Variants in CLIP4 observed in about 807,000 individuals in gnomAD.
CLIP4 encodes CAP-Gly domain containing linker protein family member 4.
A neutral mutation model predicts 73.1 loss-of-function variants in CLIP4; 47 were observed. The ratio of observed to expected loss-of-function variants is 0.64; its 90% confidence interval spans 0.51 to 0.82. The LOEUF (loss-of-function observed/expected upper bound fraction) is 0.82. Ranked by LOEUF, CLIP4 falls within the 40% of genes least tolerant of loss-of-function variation. CLIP4 has a pLI of 0.00. For synonymous variants in CLIP4, 306 were observed against 295.4 expected, an observed-to-expected ratio of 1.04 and a Z score of -0.37; for missense variants, 874 against 852.9, an observed-to-expected ratio of 1.02 and a Z score of -0.31.
intron 9 of CLIP4, among the ~76,000 whole-genome samples, chr2:29,153,697 G>A (rs1411795203): frequency 6.6e-6 from 1 of 152,164 alleles, no homozygotes; most frequent in Non-Finnish European, 1.5e-5. Context: ...GTAAATAGTT[G>A]AGGTAGAAAG....
chr2:29,142,251 C>A (rs1665823071), intron 6 of CLIP4, among the ~76,000 whole-genome samples: 2 of 151,752 alleles, frequency 1.3e-5, no homozygotes, highest in South Asian at 4.2e-4. Flanking sequence ...ATGAATAAGC[C>A]TTCTTGTCTT....
intron 12 of CLIP4, among the ~76,000 whole-genome samples, chr2:29,161,551 G>C (rs1244029254): frequency 6.6e-6 from 1 of 152,142 alleles, no homozygotes; most frequent in Non-Finnish European, 1.5e-5. Flanking sequence ...GTGAGTACTA[G>C]AGTCATCACA....
intron 14 of CLIP4, among the ~76,000 whole-genome samples, chr2:29,171,521 CTTTTT>C (rs71403652): frequency 7.1e-6 from 1 of 139,958 alleles, no homozygotes; most frequent in Non-Finnish European, 1.6e-5. Flanking sequence ...TTAGGTTTTC[CTTTTT>C]TTTTTTTTTT....
At chr2:29,165,681 T>C (rs1210089995) in intron 13 of CLIP4, among the ~76,000 whole-genome samples, 1 of 152,346 alleles carries the variant, frequency 6.6e-6, no homozygotes, top group East Asian at 1.9e-4. Context: ...TTACAAGTTT[T>C]GTTTGTTTCC....
chr2:29,154,187 T>A (rs778226729), intron 9 of CLIP4, among the ~76,000 whole-genome samples: 2 of 152,160 alleles, frequency 1.3e-5, no homozygotes, highest in Non-Finnish European at 2.9e-5. Flanking sequence ...GCATTATAAG[T>A]AGCATCCTTT....
intron 9 of CLIP4, among the ~76,000 whole-genome samples, chr2:29,153,172 C>T (rs751523313): frequency 2.0e-5 from 3 of 151,802 alleles, no homozygotes; most frequent in Non-Finnish European, 4.4e-5. Context: ...TTCTTTTTTA[C>T]CAAAAAAAAG....
chr2:29,162,081 G>T (rs1229519986), intron 12 of CLIP4, among the ~76,000 whole-genome samples: 1 of 152,130 alleles, frequency 6.6e-6, no homozygotes. Flanking sequence ...AACCGCACAG[G>T]TAGGTTATTT....
rs977090980 is a variant in CLIP4, at chr2:29,150,494, TCAAA to T, written c.1022-2186_1022-2183del. On this transcript the variant is annotated intron_variant, in intron 8 of 15. Transcript: ENST00000320081. ...ATTATTATGACATTAATGACACAAA[TCAAA>T]CAAATCAGAAAAAGACTCCATAGCT... Among the ~76,000 whole-genome samples, 11 of 152,174 alleles carry T rather than the reference TCAAA, an allele frequency of 7.2e-5. No homozygotes were observed. The East Asian group carries it at 1.7e-3, about 24-fold the overall frequency.
intron 6 of CLIP4, among the ~76,000 whole-genome samples, chr2:29,143,182 A>G (rs1053770408): frequency 8.5e-5 from 13 of 152,194 alleles, no homozygotes; most frequent in Admixed American, 7.2e-4. Flanking sequence ...TTGCTTTCTC[A>G]TGCCTCTGCG....
At chr2:29,159,683 T>TAAAAAAA (rs56927221) in intron 11 of CLIP4, among the ~76,000 whole-genome samples, 4 of 114,164 alleles carry the variant, frequency 3.5e-5, no homozygotes, top group African/African-American at 7.2e-5. Context: ...CCTGTTTCTT[T>TAAAAAAA]AAAAAAAAAA....
chr2:29,130,667 G>T (rs1392346615), intron 2 of CLIP4: 1 of 1,130,368 alleles, frequency 8.8e-7, no homozygotes, highest in Non-Finnish European at 1.1e-6. Flanking sequence ...TCACATTTCA[G>T]TTCAATCTTT....
chr2:29,152,662 T>G (rs144624793), intron 8 of CLIP4, 23 bp from the exon 9 acceptor site: 13 of 1,608,084 alleles, frequency 8.1e-6, no homozygotes, highest in Middle Eastern at 1.7e-4. Flanking sequence ...TGTTTAACAC[T>G]AAAATTCTGC....
chr2:29,171,209 T>A (rs1667979389), intron 14 of CLIP4, among the ~76,000 whole-genome samples: 1 of 152,226 alleles, frequency 6.6e-6, no homozygotes, highest in Non-Finnish European at 1.5e-5. Context: ...TGTTAATATT[T>A]AGTCTTTTTA....
chr2:29,153,428 T>G (rs2148029488), intron 9 of CLIP4, among the ~76,000 whole-genome samples: 1 of 152,318 alleles, frequency 6.6e-6, no homozygotes, highest in East Asian at 1.9e-4. Flanking sequence ...CCTCACCATT[T>G]TTTTCGACTT....
chr2:29,102,893 C>T (rs1668092127), intron 1 of CLIP4, among the ~76,000 whole-genome samples: 1 of 152,300 alleles, frequency 6.6e-6, no homozygotes, highest in African/African-American at 2.4e-5. Context: ...GCTGGGATTA[C>T]AGGTGTGAGC....
rs1004673605 is a variant in CLIP4, at chr2:29,130,300, A to G, written c.134-958A>G. Among the ~76,000 whole-genome samples, 7 of 152,342 alleles carry G rather than the reference A, an allele frequency of 4.6e-5. 1 individual carries two copies. In the East Asian group the frequency reaches 9.6e-4, roughly 21 times the overall value. On this transcript the variant is annotated intron_variant, in intron 2 of 15. Coordinates refer to ENST00000320081, the MANE Select transcript of CLIP4 (RefSeq NM_024692.6). Reference sequence around the variant, plus strand: ...TTCTTAATATAAATATTAAGTTAGTAAAAAACTGCAAATAGGGAGACTTCC... The same window carrying G: ...TTCTTAATATAAATATTAAGTTAGTGAAAAACTGCAAATAGGGAGACTTCC...
chr2:29,115,883 C>A lies in CLIP4; in HGVS notation c.-16+218C>A, dbSNP rs1663775328. Among the ~76,000 whole-genome samples the A allele has an allele frequency of 6.6e-6, 1 of 151,894 alleles. No homozygotes were observed. Among genetic ancestry groups the A allele is most frequent in the Non-Finnish European group, 1.5e-5 (1 of 67,910 alleles). On this transcript the variant is annotated intron_variant, in intron 1 of 15. Transcript: ENST00000320081. This position sits in a 1 kb window ranked among gnomAD's most constrained non-coding sequence, Gnocchi z 5.1. Reference sequence around the variant, plus strand: ...TCTCGGGGCGGAGCGGCCCACCCGGCGGGGATGGGGACTCCTCGTGGCGGC... The same window carrying A: ...TCTCGGGGCGGAGCGGCCCACCCGGAGGGGATGGGGACTCCTCGTGGCGGC...
intron 1 of CLIP4, among the ~76,000 whole-genome samples, chr2:29,098,450 C>T (rs775267959): frequency 3.3e-5 from 5 of 152,206 alleles, no homozygotes; most frequent in African/African-American, 7.2e-5. Context: ...GATCATTTTA[C>T]GGTCTCCATT....
intron 6 of CLIP4, among the ~76,000 whole-genome samples, chr2:29,138,901 G>GC (rs1209960735): frequency 6.6e-6 from 1 of 151,870 alleles, no homozygotes; most frequent in Non-Finnish European, 1.5e-5. Context: ...GTTTTTTTTG[G>GC]CAGAACCTTT....
Sources: allele counts gnomAD v4.1 joint callset (sites outside exome capture counted in the v4.1 genomes callset), GRCh38; gene constraint gnomAD v4.1.1; non-coding constraint Gnocchi (gnomAD v3.1); transcripts MANE v1.5; gene names NCBI Gene and HGNC (gene_info 2026-07-23, HGNC 2026-07-21).